Variants in STAG1 observed in about 807,000 individuals in gnomAD.
STAG1 encodes the protein cohesin subunit SA-1.
STAG1 carries 26 observed loss-of-function variants against 170.9 expected under a neutral mutation model. The observed-to-expected ratio is 0.15, with a 90% confidence interval of 0.11 to 0.21. STAG1 has a LOEUF of 0.21. STAG1 is among the 10% of genes least tolerant of loss of function. The pLI, the probability that STAG1 is intolerant of heterozygous loss-of-function variation, is 1.00. For missense variants in STAG1, 964 were observed against 1,509.5 expected, an observed-to-expected ratio of 0.64 and a Z score of 5.99; for synonymous variants, 514 against 497.7, an observed-to-expected ratio of 1.03 and a Z score of -0.44.
chr3:136,444,437 C>A (rs543913966), intron 14 of STAG1, among the ~76,000 whole-genome samples: 2 of 152,274 alleles, frequency 1.3e-5, no homozygotes, highest in African/African-American at 4.8e-5. Context: ...TGGCATTGTT[C>A]TGGTTTCTGC....
chr3:136,396,986 A>C (rs991351207), intron 22 of STAG1, among the ~76,000 whole-genome samples: 3 of 152,220 alleles, frequency 2.0e-5, no homozygotes, highest in Non-Finnish European at 4.4e-5. Context: ...CTACTTTCTA[A>C]ATGCAGAGAT....
At chr3:136,588,586 T>G (rs529685426) in intron 4 of STAG1, among the ~76,000 whole-genome samples, 155 of 152,258 alleles carry the variant, frequency 1.0e-3, no homozygotes, top group African/African-American at 3.6e-3. Flanking sequence ...GTGATCCACC[T>G]GCCTTGGCCT....
chr3:136,412,841 T>C (rs1348397192), intron 21 of STAG1, among the ~76,000 whole-genome samples: 1 of 151,458 alleles, frequency 6.6e-6, no homozygotes, highest in African/African-American at 2.4e-5. Context: ...TTGTTAAAGG[T>C]TGGGGTGGTT....
At chr3:136,716,855 TA>T (rs1470958549) in intron 1 of STAG1, among the ~76,000 whole-genome samples, 1 of 152,248 alleles carries the variant, frequency 6.6e-6, no homozygotes, top group African/African-American at 2.4e-5. Flanking sequence ...TAACTAATTG[TA>T]AGACTTTCTG....
chr3:136,751,401 G>A (rs1048968122), intron 1 of STAG1, among the ~76,000 whole-genome samples: 9 of 152,242 alleles, frequency 5.9e-5, no homozygotes, highest in Admixed American at 2.0e-4. Context: ...CCAACTCCAA[G>A]CACTCTAGTT....
At chr3:136,723,283 T>C (rs568232001) in intron 1 of STAG1, among the ~76,000 whole-genome samples, 1 of 149,940 alleles carries the variant, frequency 6.7e-6, no homozygotes, top group South Asian at 2.1e-4. Flanking sequence ...ATCTAGGAAG[T>C]GAGGAGCGTC....
chr3:136,439,046 A>G (rs1227256551), intron 15 of STAG1, among the ~76,000 whole-genome samples: 1 of 151,304 alleles, frequency 6.6e-6, no homozygotes, highest in Non-Finnish European at 1.5e-5. Flanking sequence ...AAATACAAAA[A>G]TTAGCCAGGT....
At chr3:136,606,667 G>A (rs1390687180) in intron 3 of STAG1, among the ~76,000 whole-genome samples, 1 of 151,644 alleles carries the variant, frequency 6.6e-6, no homozygotes, top group East Asian at 1.9e-4. Context: ...TTTCTAATAG[G>A]TTCCTCACTG....
chr3:136,726,754 T>C lies in STAG1; in HGVS notation c.-84+25441A>G, dbSNP rs114838805. Among the ~76,000 whole-genome samples, 881 of 152,306 alleles carry C rather than the reference T, an allele frequency of 5.8e-3. 14 individuals carry two copies. Among genetic ancestry groups the C allele is most frequent in the African/African-American group, 0.019 (788 of 41,566 alleles). ...GAATGTTTTTTAAACATTCCTCTTC[T>C]TAAAACTCTCTAACAGCTTCTCATT... On this transcript the variant is annotated intron_variant, in intron 1 of 33. Coordinates refer to ENST00000383202, the MANE Select transcript of STAG1 (RefSeq NM_005862.3).
At chr3:136,556,946 T>A (rs1936648707) in intron 5 of STAG1, among the ~76,000 whole-genome samples, 1 of 152,046 alleles carries the variant, frequency 6.6e-6, no homozygotes, top group Admixed American at 6.6e-5. Context: ...GTCAAGAAAT[T>A]TTTTGACCAG....
chr3:136,376,956 A>T (rs988830993), intron 23 of STAG1, among the ~76,000 whole-genome samples: 2 of 151,048 alleles, frequency 1.3e-5, no homozygotes, highest in African/African-American at 4.9e-5. Context: ...ATGCCCGGCT[A>T]ATTTTTTTTT....
intron 5 of STAG1, among the ~76,000 whole-genome samples, chr3:136,565,934 C>CA (rs1937060558): frequency 6.6e-6 from 1 of 152,124 alleles, no homozygotes; most frequent in South Asian, 2.1e-4. Flanking sequence ...CAGAAGGTGA[C>CA]ATATGGTGTG....
chr3:136,629,989 A>C (rs572477466), intron 2 of STAG1, among the ~76,000 whole-genome samples: 1 of 152,200 alleles, frequency 6.6e-6, no homozygotes, highest in African/African-American at 2.4e-5. Flanking sequence ...TGAGGTCAGG[A>C]GTTCGAGACC....
At chr3:136,582,079 T>C (rs1937601796) in intron 4 of STAG1, among the ~76,000 whole-genome samples, 1 of 152,220 alleles carries the variant, frequency 6.6e-6, no homozygotes, top group African/African-American at 2.4e-5. Flanking sequence ...TAAATCATCT[T>C]AGTAAGTCAC....
At chr3:136,464,448 AT>A (rs1176844895) in intron 13 of STAG1, among the ~76,000 whole-genome samples, 1 of 151,978 alleles carries the variant, frequency 6.6e-6, no homozygotes, top group Non-Finnish European at 1.5e-5. Context: ...AAACAAAAAA[AT>A]CATCATAATG....
chr3:136,457,416 C>T (rs2089146070), intron 13 of STAG1, among the ~76,000 whole-genome samples: 1 of 152,106 alleles, frequency 6.6e-6, no homozygotes, highest in African/African-American at 2.4e-5. Context: ...ACCTTTCTAC[C>T]CCTACGTCCT....
At chr3:136,693,193 G>C (rs763862991) in intron 1 of STAG1, among the ~76,000 whole-genome samples, 1 of 152,186 alleles carries the variant, frequency 6.6e-6, no homozygotes, top group Non-Finnish European at 1.5e-5. Context: ...AAACGTCCAA[G>C]GCAAAAAGTA....
At chr3:136,532,322 T>C (rs1935414459) in intron 6 of STAG1, among the ~76,000 whole-genome samples, 1 of 152,170 alleles carries the variant, frequency 6.6e-6, no homozygotes, top group Non-Finnish European at 1.5e-5. Context: ...GCCTGTAGGT[T>C]CCTTTATGTT....
chr3:136,545,484 T>C (rs1188906973), intron 5 of STAG1, among the ~76,000 whole-genome samples: 1 of 152,098 alleles, frequency 6.6e-6, no homozygotes, highest in Non-Finnish European at 1.5e-5. Context: ...GGAGAAGAAA[T>C]GTTGAGTCTA....
Sources: allele counts gnomAD v4.1 joint callset (sites outside exome capture counted in the v4.1 genomes callset), GRCh38; gene constraint gnomAD v4.1.1; transcripts MANE v1.5; gene names NCBI Gene and HGNC (gene_info 2026-07-23, HGNC 2026-07-21).